Variants in DLG2 observed in about 807,000 individuals in gnomAD.
The protein encoded by DLG2 is disks large homolog 2.
Under a neutral mutation model 132.5 loss-of-function variants are expected in DLG2, and 45 were observed. The ratio of observed to expected loss-of-function variants is 0.34; its 90% CI spans 0.27 to 0.44. The LOEUF (loss-of-function observed/expected upper bound fraction) is 0.44. Ranked by LOEUF, DLG2 falls within the 20% of genes least tolerant of loss-of-function variation. DLG2 has a pLI of 1.00. For missense variants in DLG2, 1,045 were observed against 1,196.9 expected (o/e 0.87, Z 1.87); for synonymous variants, 424 against 419.6 (o/e 1.01, Z -0.13).
rs139125130 is a variant in DLG2, at chr11:85,582,984, T to G, written c.40+15673A>C. Among the ~76,000 whole-genome samples, 1,239 of 146,434 alleles carry G rather than the reference T, an allele frequency of 8.5e-3. 21 individuals carry two copies. Among genetic ancestry groups the G allele is most frequent in the African/African-American group, 0.03 (1,203 of 39,978 alleles). ...CTTATGATTTTGTGAAGGCTTATTG[T>G]TTTGACAGCAAACTAGAAACAATAT... On this transcript the variant is annotated intron_variant, in intron 3 of 27. Transcript: ENST00000376104.
chr11:84,737,181 G>C lies in DLG2; in HGVS notation c.358-202450C>G, dbSNP rs374086362. 9.2e-5 allele frequency among the ~76,000 whole-genome samples: 14 copies of C among 152,002 alleles called. No homozygotes were observed. In the East Asian group the frequency reaches 2.7e-3, roughly 29 times the overall value. Reference sequence around the variant, plus strand: ...TGATTTTTGAATGTTAAACAATCCTGTATTCCTGAAATAAAGCTTGTTTGG... The same window carrying C: ...TGATTTTTGAATGTTAAACAATCCTCTATTCCTGAAATAAAGCTTGTTTGG... On this transcript the variant is annotated intron_variant, in intron 6 of 27. Transcript: ENST00000376104.
intron 7 of DLG2, among the ~76,000 whole-genome samples, chr11:84,523,554 T>C (rs1004332712): frequency 5.3e-5 from 8 of 152,190 alleles, no homozygotes; most frequent in Non-Finnish European, 1.0e-4. Flanking sequence ...GAAAACATGC[T>C]CACCAAAAGG....
chr11:83,817,819 T>C (rs985776309), intron 17 of DLG2, among the ~76,000 whole-genome samples: 1 of 152,204 alleles, frequency 6.6e-6, no homozygotes, highest in Non-Finnish European at 1.5e-5. Context: ...AAAGGTTTAG[T>C]GAGCTATGAT....
At chr11:84,019,562 C>G (rs1593214510) in intron 11 of DLG2, among the ~76,000 whole-genome samples, 2 of 152,142 alleles carry the variant, frequency 1.3e-5, no homozygotes, top group Admixed American at 1.3e-4. Context: ...AAGTTCTAAT[C>G]TCCAGTATCT....
At chr11:85,424,934 C>T (rs1447847789) in intron 3 of DLG2, among the ~76,000 whole-genome samples, 2 of 152,102 alleles carry the variant, frequency 1.3e-5, no homozygotes, top group African/African-American at 4.8e-5. Context: ...GCCACCCTAT[C>T]TATGGTATTC....
intron 6 of DLG2, among the ~76,000 whole-genome samples, chr11:84,914,906 A>T (rs2092356657): frequency 6.6e-6 from 1 of 152,222 alleles, no homozygotes; most frequent in African/African-American, 2.4e-5. Context: ...AATACTAAAC[A>T]AACATTAGTT....
intron 14 of DLG2, among the ~76,000 whole-genome samples, chr11:83,944,521 T>G (rs1384753): frequency 6.6e-6 from 1 of 152,104 alleles, no homozygotes; most frequent in African/African-American, 2.4e-5. Flanking sequence ...TGGCCCAGTA[T>G]AGCCGATGGA....
rs532675347 is a variant in DLG2, at chr11:85,176,308, G to A, written c.187-21657C>T. Among the ~76,000 whole-genome samples, 19 of 151,966 alleles carry A rather than the reference G, an allele frequency of 1.3e-4. No individual in the cohort carries two copies. In the South Asian group the frequency reaches 2.1e-3, roughly 17 times the overall value. On this transcript the variant is annotated intron_variant, in intron 4 of 27. Transcript: ENST00000376104. ...AGAATAGAGAACTCAGAAATAAGAC[G>A]GCACATCTGCAACCATCTGACCTTC...
intron 6 of DLG2, among the ~76,000 whole-genome samples, chr11:85,080,782 A>T (rs2067134771): frequency 6.6e-6 from 1 of 152,118 alleles, no homozygotes; most frequent in South Asian, 2.1e-4. Flanking sequence ...TTGTCCAATC[A>T]TCAAGCTGGA....
At chr11:85,488,267 T>C (rs552482046) in intron 3 of DLG2, among the ~76,000 whole-genome samples, 96 of 152,096 alleles carry the variant, frequency 6.3e-4, no homozygotes, top group African/African-American at 2.0e-3. Flanking sequence ...GAGGCACCTA[T>C]AGTCCCAGCT....
chr11:83,660,417 C>CTTTATTTTTT (rs1566370347), intron 18 of DLG2, among the ~76,000 whole-genome samples: 1 of 152,150 alleles, frequency 6.6e-6, no homozygotes, highest in Non-Finnish European at 1.5e-5. Flanking sequence ...AATTTTACAA[C>CTTTATTTTTT]AAAATCCACA....
In DLG2 at chr11:83,747,275, TCTTCCTTCCTTC is replaced by T. The variant is rs61484895; in HGVS notation, c.1825+39403_1825+39414del. 7.3e-3 allele frequency among the ~76,000 whole-genome samples: 888 copies of T among 121,618 alleles called. 5 individuals carry two copies. The highest frequency in any genetic ancestry group is 0.037 in the Middle Eastern group (9 of 244). 79.8% of individuals were successfully genotyped at this position (121,618 alleles called of 152,430 possible). ...AGTTTGATTTTAATTTGCTTTAAAA[TCTTCCTTCCTTC>T]CTTCCTTCCTTCCTTCCTTCCTTCC... On this transcript the variant is annotated intron_variant, in intron 18 of 27. Transcript: ENST00000376104.
chr11:84,165,193 C>A (rs2095633820), intron 8 of DLG2, among the ~76,000 whole-genome samples: 1 of 152,128 alleles, frequency 6.6e-6, no homozygotes, highest in Non-Finnish European at 1.5e-5. Flanking sequence ...TGAATCACTT[C>A]ACATTATTAA....
At chr11:83,506,884 C>T (rs1196512412) in intron 21 of DLG2, among the ~76,000 whole-genome samples, 1 of 152,172 alleles carries the variant, frequency 6.6e-6, no homozygotes, top group East Asian at 1.9e-4. Context: ...CAGCCACTCG[C>T]ATGATAAGAG....
Position 84,407,889 on chromosome 11 carries a change from A to G in DLG2, c.519+126681T>C, listed in dbSNP as rs199895761. On this transcript the variant is annotated intron_variant, in intron 7 of 27. Coordinates refer to ENST00000376104, the MANE Select transcript of DLG2 (RefSeq NM_001142699.3). ...ATCACTGTAGACCTACTTTTTACAA[A>G]TTAGAGTGTATTGCAAAACAAGGAT... Among the ~76,000 whole-genome samples, 5 of 152,296 alleles carry G rather than the reference A, an allele frequency of 3.3e-5. No individual in the cohort carries two copies. In the East Asian group the frequency reaches 5.8e-4, roughly 18 times the overall value.
intron 14 of DLG2, among the ~76,000 whole-genome samples, chr11:83,943,747 TCAA>T (rs2083187959): frequency 6.6e-6 from 1 of 152,234 alleles, no homozygotes; most frequent in African/African-American, 2.4e-5. Flanking sequence ...ATCTATTCAC[TCAA>T]CATATTTACT....
chr11:83,690,149 G>T (rs996657142), intron 18 of DLG2, among the ~76,000 whole-genome samples: 1 of 150,232 alleles, frequency 6.7e-6, no homozygotes, highest in South Asian at 2.1e-4. Context: ...TTTAAAGGCT[G>T]TGATGAAAAA....
At chr11:84,110,890 G>A (rs551197081) in intron 9 of DLG2, among the ~76,000 whole-genome samples, 20 of 152,272 alleles carry the variant, frequency 1.3e-4, no homozygotes, top group East Asian at 5.8e-4. Context: ...TCTGAGGGTC[G>A]CCATTTTGTA....
chr11:83,522,813 C>CG (rs1331581618), intron 21 of DLG2, among the ~76,000 whole-genome samples: 1 of 143,490 alleles, frequency 7.0e-6, no homozygotes, highest in Non-Finnish European at 1.5e-5. Context: ...AGCCCCCCCC[C>CG]CCTTTTTTTT....
Sources: gnomAD v4.1 joint callset for allele counts (sites outside exome capture counted in the v4.1 genomes callset) on GRCh38, gnomAD v4.1.1 for gene constraint, MANE v1.5 for transcripts, NCBI Gene and HGNC (gene_info 2026-07-23, HGNC 2026-07-21) for gene names.